RNF216: variants seen among roughly 807,000 people sequenced by gnomAD.
The protein encoded by RNF216 is ring finger protein 216.
In RNF216, 72 loss-of-function variants were observed where a neutral mutation model predicts 110.8. The observed-to-expected ratio is 0.65, with a 90% CI of 0.54 to 0.79. The LOEUF (loss-of-function observed/expected upper bound fraction) is 0.79. RNF216 is among the 30% of genes least tolerant of loss of function. The pLI is 0.00. For missense variants in RNF216, 1,342 were observed against 1,141.2 expected, an observed-to-expected ratio of 1.18 and a Z score of -2.54; for synonymous variants, 495 against 407.5, an observed-to-expected ratio of 1.21 and a Z score of -2.59.
At chr7:5,635,841 G>A (rs1479909240) in intron 15 of RNF216, among the ~76,000 whole-genome samples, 2 of 152,212 alleles carry the variant, frequency 1.3e-5, no homozygotes, top group South Asian at 4.1e-4. Flanking sequence ...TTGGAAAAAT[G>A]AGTGTCTCTT....
chr7:5,641,575 C>T (rs1326794703), intron 14 of RNF216, among the ~76,000 whole-genome samples, 199 bp from the exon 15 acceptor site: 1 of 152,112 alleles, frequency 6.6e-6, no homozygotes, highest in African/African-American at 2.4e-5. Context: ...AAATTACTCA[C>T]CTGCCTGGAG....
rs567042432 is a variant in RNF216, at chr7:5,709,584, G to A, written c.2061+2177C>T. On this transcript the variant is annotated intron_variant, in intron 13 of 16. Transcript: ENST00000389902. The stretch of plus-strand genomic sequence containing the variant: ...TTCACTGACCACAAGAAGCTACATG[G>A]CTACCTTCAAGTTCAGCAGGCCATG... Among the ~76,000 whole-genome samples the A allele has an allele frequency of 2.0e-5, 3 of 152,130 alleles. No individual in the cohort carries two copies. In the South Asian group the frequency reaches 6.2e-4, roughly 32 times the overall value.
At chr7:5,719,759 C>T (rs1001818120) in intron 9 of RNF216, among the ~76,000 whole-genome samples, 2 of 152,098 alleles carry the variant, frequency 1.3e-5, no homozygotes, top group African/African-American at 4.8e-5. Flanking sequence ...TGAGAAAATG[C>T]CTGCCAAATA....
At chr7:5,646,891 G>A (rs1030313139) in intron 14 of RNF216, among the ~76,000 whole-genome samples, 1 of 152,044 alleles carries the variant, frequency 6.6e-6, no homozygotes, top group Admixed American at 6.6e-5. Flanking sequence ...TAGTTTTTGA[G>A]TTCCTGTTAA....
intron 14 of RNF216, among the ~76,000 whole-genome samples, chr7:5,648,172 T>C (rs1001998939): frequency 6.6e-6 from 1 of 151,736 alleles, no homozygotes; most frequent in African/African-American, 2.4e-5. Context: ...AATGGCGTGA[T>C]CTCGGCTCAC....
chr7:5,757,841 A>T (rs1207639881), intron 2 of RNF216, among the ~76,000 whole-genome samples: 2 of 152,138 alleles, frequency 1.3e-5, no homozygotes, highest in African/African-American at 2.4e-5. Context: ...AAAACTACAG[A>T]GGTTGATGCA....
intron 10 of RNF216, among the ~76,000 whole-genome samples, chr7:5,716,335 C>T (rs1298041124): frequency 1.3e-5 from 2 of 152,008 alleles, no homozygotes; most frequent in Admixed American, 1.3e-4. Context: ...CATGGTGAAA[C>T]CCCGTCTCTA....
Position 5,716,733 on chromosome 7 carries a change from C to T in RNF216, c.1678G>A (p.Glu560Lys), listed in dbSNP as rs1261927833. 6.2e-7 allele frequency: 1 copy of T among 1,602,302 alleles called. No individual in the cohort carries two copies. Among genetic ancestry groups the T allele is most frequent in the Admixed American group, 1.7e-5 (1 of 59,034 alleles). The part of the protein sequence containing the change: ...EDFLLALQMN[E>K]EQYQKDGQLI... ...CAAACTACCTTTTGATACTGTTCTT[C>T]ATTCATCTGTAGGGCAAGCAAAAAG... is the stretch of plus-strand genomic sequence containing the variant. Residue 560 changes from glutamate to lysine, a missense_variant, in exon 10 of 17, where the codon GAA (glutamate) becomes AAA (lysine). Glu to Lys is a moderately conservative substitution (Grantham distance 56). Transcript: ENST00000389902.
At chr7:5,736,231 C>CCTCA (rs1794388792) in intron 5 of RNF216, among the ~76,000 whole-genome samples, 1 of 152,222 alleles carries the variant, frequency 6.6e-6, no homozygotes, top group African/African-American at 2.4e-5. Flanking sequence ...GATTCTCCTG[C>CCTCA]CTCAGCCTGC....
intron 15 of RNF216, among the ~76,000 whole-genome samples, chr7:5,636,208 C>T (rs932420569): frequency 1.1e-4 from 16 of 152,176 alleles, no homozygotes; most frequent in African/African-American, 1.7e-4. Context: ...TGCAAAATAA[C>T]GTCTGTTCAC....
In RNF216 at chr7:5,741,336, G is replaced by C; in HGVS notation, c.681C>G (p.Asp227Glu). Reference sequence around the variant, plus strand: ...GGAAGTAAGGATGATCTAACCAGCAGTCTTCTTCGATGGCCTGATCATCTG... The same window carrying C: ...GGAAGTAAGGATGATCTAACCAGCACTCTTCTTCGATGGCCTGATCATCTG... ...ALADDQAIEE[D>E]CWLDHPYFQS... The change falls in exon 4 of 17, where the codon GAC becomes GAG. Residue 227 changes from aspartate (D) to glutamate (E), a missense_variant. By Grantham distance (45) the Asp-to-Glu change is conservative (BLOSUM62 2). Coordinates refer to ENST00000389902, the MANE Select transcript of RNF216 (RefSeq NM_207111.4). The C allele has an allele frequency of 6.2e-7, 1 of 1,614,184 alleles. No homozygotes were observed. Among genetic ancestry groups the C allele is most frequent in the Non-Finnish European group, 8.5e-7 (1 of 1,180,018 alleles).
Position 5,725,380 on chromosome 7 carries a change from CT to C in RNF216, c.1447del (p.Arg483GlyfsTer7). Reference protein sequence around the residue: ...QELSPETSGKRKKRKQMNQYS... With the variant: ...QELSPETSGKXKKRKQMNQYS... Reference sequence around the variant, plus strand: ...CTGGTTCATTTGTTTTCTCTTCTTCCTTTTTCCACTGGTTTCTGGTGACAGC... The same window carrying C: ...CTGGTTCATTTGTTTTCTCTTCTTCCTTTTCCACTGGTTTCTGGTGACAGC... On this transcript the variant is annotated frameshift_variant, in exon 8 of 17. Coordinates refer to ENST00000389902, the MANE Select transcript of RNF216 (RefSeq NM_207111.4). LOFTEE classifies it high-confidence loss of function. 6.2e-7 allele frequency: 1 copy of C among 1,613,852 alleles called. No individual in the cohort carries two copies. Among genetic ancestry groups the C allele is most frequent in the Non-Finnish European group, 8.5e-7 (1 of 1,179,764 alleles).
chr7:5,739,702 G>C (rs1794645018), intron 4 of RNF216: 1 of 454,258 alleles, frequency 2.2e-6, no homozygotes, highest in Non-Finnish European at 4.4e-6. Flanking sequence ...CTAGTGCCTA[G>C]ATAAAAACAC....
intron 13 of RNF216, among the ~76,000 whole-genome samples, chr7:5,652,747 G>C (rs377117965): frequency 9.9e-5 from 15 of 152,090 alleles, no homozygotes; most frequent in African/African-American, 3.6e-4. Flanking sequence ...TGGCAGGCCA[G>C]GAGTTTGAGA....
chr7:5,781,300 C>T (rs905464127), intron 1 of RNF216, among the ~76,000 whole-genome samples: 52 of 152,110 alleles, frequency 3.4e-4, no homozygotes, highest in African/African-American at 1.2e-3. Flanking sequence ...GAGAGGGGGC[C>T]ACCCGGCCGC....
At position 5,654,548 on chromosome 7, in the gene RNF216, G is replaced by A. The variant is rs938393818; in HGVS notation, c.2062-2038C>T. ...ATAAAAATACAAAAATTAGTTGGGC[G>A]TGGTAGCTGGTGACTGTAATCCCAG... is the stretch of plus-strand genomic sequence containing the variant. On this transcript the variant is annotated intron_variant, in intron 13 of 16. Transcript: ENST00000389902. 7.2e-5 allele frequency among the ~76,000 whole-genome samples: 11 copies of A among 151,928 alleles called. No individual in the cohort carries two copies. The East Asian group carries it at 9.7e-4, about 13-fold the overall frequency.
At chr7:5,645,255 G>A (rs1229071839) in intron 14 of RNF216, among the ~76,000 whole-genome samples, 1 of 151,996 alleles carries the variant, frequency 6.6e-6, no homozygotes, top group Non-Finnish European at 1.5e-5. Context: ...TCAGCTTCTT[G>A]GATGTATAGA....
intron 12 of RNF216, 120 bp from the exon 13 acceptor site, chr7:5,711,959 TACTC>T: frequency 1.3e-6 from 1 of 775,192 alleles, no homozygotes; most frequent in Non-Finnish European, 2.1e-6. Flanking sequence ...ATCCCCTTTA[TACTC>T]CTTAGTTTTC....
intron 13 of RNF216, among the ~76,000 whole-genome samples, chr7:5,695,654 T>G (rs894369649): frequency 6.6e-6 from 1 of 152,122 alleles, no homozygotes; most frequent in East Asian, 1.9e-4. Flanking sequence ...GAATGGAAAG[T>G]TGTCATTTGT....
Sources: allele counts gnomAD v4.1 joint callset (sites outside exome capture counted in the v4.1 genomes callset), GRCh38; gene constraint gnomAD v4.1.1; transcripts MANE v1.5; gene names NCBI Gene and HGNC (gene_info 2026-07-23, HGNC 2026-07-21).